FAR2: variants seen among roughly 807,000 people sequenced by gnomAD.
The protein encoded by FAR2 is epididymis secretory protein Li 81.
FAR2 carries 19 observed loss-of-function variants against 56.0 expected under a neutral mutation model. That is an observed-to-expected ratio of 0.34 (90% CI 0.24 to 0.50). The LOEUF is 0.50. FAR2 is among the 20% of genes least tolerant of loss of function. The pLI, the probability that FAR2 is intolerant of heterozygous loss-of-function variation, is 0.98. For missense variants in FAR2, 508 were observed against 642.2 expected, an observed-to-expected ratio of 0.79 and a Z score of 2.26; for synonymous variants, 219 against 218.8, an observed-to-expected ratio of 1.00 and a Z score of -0.01.
intron 1 of FAR2, among the ~76,000 whole-genome samples, chr12:29,215,485 A>G (rs957976835): frequency 1.3e-5 from 2 of 152,194 alleles, no homozygotes; most frequent in Admixed American, 6.5e-5. Context: ...TGACATGGAA[A>G]CTGATCAAAT....
intron 1 of FAR2, among the ~76,000 whole-genome samples, chr12:29,160,608 T>C (rs888350014): frequency 2.6e-5 from 4 of 152,212 alleles, no homozygotes; most frequent in Admixed American, 1.3e-4. Flanking sequence ...ACTGGGCGGC[T>C]TAACCAAAAG....
chr12:29,297,852 C>G (rs1351502704), intron 4 of FAR2, among the ~76,000 whole-genome samples: 1 of 151,916 alleles, frequency 6.6e-6, no homozygotes, highest in Non-Finnish European at 1.5e-5. Context: ...TCAAGACCAG[C>G]CTAAAATACA....
chr12:29,167,892 G>A (rs759248340), intron 1 of FAR2, among the ~76,000 whole-genome samples: 46 of 152,276 alleles, frequency 3.0e-4, no homozygotes, highest in Admixed American at 7.2e-4. Context: ...ATTACACCTC[G>A]TGTAAGAAAC....
At chr12:29,324,497 G>C (rs1455193786) in intron 10 of FAR2, among the ~76,000 whole-genome samples, 4 of 152,200 alleles carry the variant, frequency 2.6e-5, no homozygotes, top group Admixed American at 1.3e-4. Context: ...AGCAGCCAGA[G>C]AGAAAGGTCG....
At chr12:29,199,492 C>T (rs1388586759) in intron 1 of FAR2, among the ~76,000 whole-genome samples, 2 of 150,984 alleles carry the variant, frequency 1.3e-5, no homozygotes, top group Admixed American at 1.3e-4. Context: ...CCCAGCTACT[C>T]TGGAGGCTGA....
intron 1 of FAR2, among the ~76,000 whole-genome samples, chr12:29,216,823 A>G (rs551801374): frequency 6.6e-6 from 1 of 152,328 alleles, no homozygotes; most frequent in South Asian, 2.1e-4. Flanking sequence ...AAATTATTAA[A>G]CTTTTCATAT....
intron 1 of FAR2, among the ~76,000 whole-genome samples, chr12:29,216,885 A>G (rs1205998808): frequency 1.3e-5 from 2 of 152,220 alleles, no homozygotes; most frequent in Non-Finnish European, 2.9e-5. Flanking sequence ...ACTTTGGTGT[A>G]CAATGGTAGA....
intron 1 of FAR2, among the ~76,000 whole-genome samples, chr12:29,163,538 T>A (rs1275099027): frequency 2.6e-5 from 4 of 152,224 alleles, no homozygotes; most frequent in African/African-American, 9.7e-5. Context: ...AACGACTAGA[T>A]TATCTTTAAA....
chr12:29,301,057 T>G (rs901667152), intron 4 of FAR2, among the ~76,000 whole-genome samples: 1 of 152,162 alleles, frequency 6.6e-6, no homozygotes, highest in Non-Finnish European at 1.5e-5. Context: ...TCCTGTATGC[T>G]GAGACTGTCA....
intron 1 of FAR2, among the ~76,000 whole-genome samples, chr12:29,158,650 T>A (rs757121161): frequency 6.6e-6 from 1 of 152,228 alleles, no homozygotes; most frequent in Non-Finnish European, 1.5e-5. Flanking sequence ...CAGAACAAAC[T>A]TTTCCCAAAT....
At chr12:29,301,125 T>C (rs1368903747) in intron 4 of FAR2, among the ~76,000 whole-genome samples, 1 of 152,226 alleles carries the variant, frequency 6.6e-6, no homozygotes, top group Non-Finnish European at 1.5e-5. Flanking sequence ...ACCTTGGCCC[T>C]GAAATATTCC....
intron 8 of FAR2, among the ~76,000 whole-genome samples, chr12:29,313,149 A>T (rs1374433123): frequency 6.6e-6 from 1 of 152,128 alleles, no homozygotes; most frequent in Admixed American, 6.5e-5. Flanking sequence ...GCTTCCTACT[A>T]GGAGCAGTAG....
chr12:29,308,713 C>CATATAT (rs1405698626), intron 5 of FAR2, among the ~76,000 whole-genome samples: 10 of 123,942 alleles, frequency 8.1e-5, no homozygotes, highest in African/African-American at 3.4e-4. Flanking sequence ...CACACACACA[C>CATATAT]ACACACATAT....
intron 1 of FAR2, among the ~76,000 whole-genome samples, chr12:29,250,924 C>T (rs1290212960): frequency 6.6e-6 from 1 of 152,128 alleles, no homozygotes; most frequent in Non-Finnish European, 1.5e-5. Flanking sequence ...GAAAACCTAA[C>T]TGCAATGGGA....
chr12:29,284,098 T>C (rs963954446), intron 2 of FAR2, among the ~76,000 whole-genome samples: 10 of 152,200 alleles, frequency 6.6e-5, no homozygotes, highest in African/African-American at 2.4e-4. Context: ...CTCTCAATAA[T>C]TCCTTAAGAA....
At chr12:29,264,388 A>C (rs967864370) in intron 1 of FAR2, among the ~76,000 whole-genome samples, 2 of 152,144 alleles carry the variant, frequency 1.3e-5, no homozygotes, top group African/African-American at 4.8e-5. Flanking sequence ...AAAAACGAAA[A>C]GCCTTTCCTC....
chr12:29,265,326 G>A (rs1236825329), intron 1 of FAR2, among the ~76,000 whole-genome samples: 2 of 152,140 alleles, frequency 1.3e-5, no homozygotes, highest in East Asian at 3.9e-4. Flanking sequence ...CATAAAAACT[G>A]AAACATAGAC....
At chr12:29,204,822 GA>G (rs1021378797) in intron 1 of FAR2, among the ~76,000 whole-genome samples, 4 of 152,128 alleles carry the variant, frequency 2.6e-5, no homozygotes, top group African/African-American at 9.7e-5. Flanking sequence ...CCGGATCTCA[GA>G]ATAACTCACT....
intron 1 of FAR2, among the ~76,000 whole-genome samples, chr12:29,192,469 ATCT>A (rs1950110860): frequency 6.6e-6 from 1 of 152,152 alleles, no homozygotes; most frequent in Non-Finnish European, 1.5e-5. Context: ...TATATATGCA[ATCT>A]TCTTTTCATC....
Sources: gnomAD v4.1 joint callset for allele counts (sites outside exome capture counted in the v4.1 genomes callset) on GRCh38, gnomAD v4.1.1 for gene constraint, MANE v1.5 for transcripts, NCBI Gene and HGNC (gene_info 2026-07-23, HGNC 2026-07-21) for gene names.